The following XIAP variants were observed in gnomAD, a reference collection of about 807,000 sequenced individuals.
XIAP encodes E3 ubiquitin-protein ligase XIAP.
XIAP carries 3 observed loss-of-function variants against 33.1 expected under a neutral mutation model. That is an observed-to-expected ratio of 0.09 (90% CI 0.04 to 0.23). XIAP has a LOEUF of 0.23. XIAP is among the 10% of genes least tolerant of loss of function. The pLI, the probability that XIAP is intolerant of heterozygous loss-of-function variation, is 1.00. For missense variants in XIAP, 264 were observed against 363.0 expected (o/e 0.73, Z 2.22); for synonymous variants, 98 against 121.3 (o/e 0.81, Z 1.26).
chrX:123,880,227 A>G (rs1222107456), intron 1 of XIAP, among the ~76,000 whole-genome samples: 2 of 104,840 alleles, frequency 1.9e-5, no homozygotes, highest in East Asian at 5.9e-4. Context: ...AGCCTGGCCA[A>G]CATAGAGGAA....
At chrX:123,899,144 A>AAAAAAAATATAT (rs1186271285) in intron 5 of XIAP, among the ~76,000 whole-genome samples, 4 of 50,184 alleles carry the variant, frequency 8.0e-5, no homozygotes, top group African/African-American at 1.7e-4. Context: ...AAAAAAAAAA[A>AAAAAAAATATAT]ATATATATAT....
rs182283142 is a variant in XIAP at position 123,891,359 on chromosome X, T to G, written c.1056+43T>G. On this transcript the variant is annotated intron_variant, in intron 4 of 6. Coordinates refer to ENST00000371199, the MANE Select transcript of XIAP (RefSeq NM_001167.4). ...TATATTTTCAAATTCACATTTCAAATTATAATTTATATTTTCATTATGTAG... is the reference window on the plus strand; with the variant it reads ...TATATTTTCAAATTCACATTTCAAAGTATAATTTATATTTTCATTATGTAG... The G allele has an allele frequency of 7.1e-4, 457 of 646,376 alleles. 4 individuals are homozygous for G. The African/African-American group carries it at 8.6e-3, about 12-fold the overall frequency. 53.3% of individuals were successfully genotyped at this position (646,376 alleles called of 1,213,427 possible). A position where few individuals can be genotyped will look rare whatever the true frequency, so the allele number is the denominator to read the frequency against.
intron 1 of XIAP, among the ~76,000 whole-genome samples, chrX:123,863,562 T>C (rs947530569): frequency 1.8e-5 from 2 of 111,631 alleles, no homozygotes; most frequent in Admixed American, 1.9e-4. Flanking sequence ...CAGGCTGGAG[T>C]GCAATGGTGC....
chrX:123,895,081 A>G (rs2053448045), intron 5 of XIAP, among the ~76,000 whole-genome samples: 1 of 112,039 alleles, frequency 8.9e-6, no homozygotes, highest in Non-Finnish European at 1.9e-5. Flanking sequence ...TAATTGCAGA[A>G]CACTATCATT....
At chrX:123,871,349 T>A (rs1022784411) in intron 1 of XIAP, among the ~76,000 whole-genome samples, 17 of 112,047 alleles carry the variant, frequency 1.5e-4, no homozygotes, top group African/African-American at 5.5e-4. Flanking sequence ...AAGTCATCCA[T>A]GGCATTTCTG....
rs2053567377 is a variant in XIAP at position 123,907,953 on chromosome X, CGGGGAGGGGGGGATTG to C, written c.*782_*797del. 8.8e-6 allele frequency: 1 copy of C among 113,918 alleles called. No homozygotes were observed. The allele number at this position is 113,918 out of a possible 1,213,427, so 9.4% of individuals were successfully genotyped here. ...CAAACTGTTAAATGTGGTTTCTCTT[CGGGGAGGGGGGGATTG>C]GGGGAGGGGCCCCAGAGGGGTTTTA... On this transcript the variant is annotated 3_prime_UTR_variant, in exon 7 of 7. Transcript: ENST00000371199.
At chrX:123,902,288 G>T (rs1602559441) in intron 6 of XIAP, among the ~76,000 whole-genome samples, 1 of 110,811 alleles carries the variant, frequency 9.0e-6, no homozygotes, top group African/African-American at 3.3e-5. Context: ...TACAAACTAG[G>T]ATGGTGTGGG....
At chrX:123,897,883 C>T (rs776891735) in intron 5 of XIAP, among the ~76,000 whole-genome samples, 6 of 111,663 alleles carry the variant, frequency 5.4e-5, no homozygotes, top group Non-Finnish European at 9.4e-5. Flanking sequence ...TCAGAAGGGT[C>T]GATGAGGGAA....
rs957336438 is a variant in XIAP at position 123,913,000 on chromosome X, C to G, written c.*5819C>G. On this transcript the variant is annotated 3_prime_UTR_variant, in exon 7 of 7. Transcript: ENST00000371199. ...TTCGCGGTGTTGACCAGGCTGGTCT[C>G]GAACTCCTGATCTCAGGTGATCTGC... The G allele has an allele frequency of 1.4e-5, 4 of 279,786 alleles. No individual in the cohort carries two copies. Among genetic ancestry groups the G allele is most frequent in the African/African-American group, 8.5e-5 (3 of 35,348 alleles). The allele number at this position is 279,786 out of a possible 1,213,427, so 23.1% of individuals were successfully genotyped here.
chrX:123,875,284 A>G (rs765105449), intron 1 of XIAP, among the ~76,000 whole-genome samples: 1 of 108,692 alleles, frequency 9.2e-6, no homozygotes, highest in African/African-American at 3.3e-5. Context: ...GCCTCCTAGA[A>G]TACTGGGATT....
rs1197419209 is a variant in XIAP, at chrX:123,913,378, G to A, written c.*6197G>A. On this transcript the variant is annotated 3_prime_UTR_variant, in exon 7 of 7. Transcript: ENST00000371199. ...CCAGCTACTAGAGCGACTGAGGCAG[G>A]AGAATTGCTTGAACCTGGGAGGCGG... 3.0e-6 allele frequency: 1 copy of A among 327,991 alleles called. No individual in the cohort carries two copies. The highest frequency in any genetic ancestry group is 2.6e-5 in the South Asian group (1 of 38,169). 27.0% of individuals were successfully genotyped at this position (327,991 alleles called of 1,213,427 possible).
intron 6 of XIAP, among the ~76,000 whole-genome samples, chrX:123,906,323 T>C (rs1033890387): frequency 8.9e-6 from 1 of 112,301 alleles, no homozygotes; most frequent in Non-Finnish European, 1.9e-5. Flanking sequence ...GCCTACTGGT[T>C]ATTTTTATAT....
intron 2 of XIAP, among the ~76,000 whole-genome samples, chrX:123,888,004 T>TAAATAAATA (rs1569478084): frequency 8.6e-4 from 57 of 66,523 alleles, no homozygotes; most frequent in African/African-American, 2.9e-3. Flanking sequence ...TAATAATAAT[T>TAAATAAATA]AATAAATAAA....
rs2053078881 is a variant in XIAP, at chrX:123,861,561, C to T, written c.-33+1268C>T. 2.7e-5 allele frequency among the ~76,000 whole-genome samples: 3 copies of T among 111,428 alleles called. No homozygotes were observed. The South Asian group carries it at 1.1e-3, about 41-fold the overall frequency. Reference sequence around the variant, plus strand: ...ACAATAAAAATGTTAATAGTAATGACTTATGGAGGAGAAGAGAGATAGAAG... The same window carrying T: ...ACAATAAAAATGTTAATAGTAATGATTTATGGAGGAGAAGAGAGATAGAAG... On this transcript the variant is annotated intron_variant, in intron 1 of 6. Transcript: ENST00000371199.
intron 1 of XIAP, among the ~76,000 whole-genome samples, chrX:123,864,455 G>GGTT (rs2053110159): frequency 4.0e-5 from 2 of 49,587 alleles, no homozygotes; most frequent in South Asian, 1.4e-3. Flanking sequence ...CCTTTCTTCT[G>GGTT]TTTTTTTTTT....
rs1183485496 is a variant in XIAP at position 123,890,605 on chromosome X, A to G, written c.978-633A>G. On this transcript the variant is annotated intron_variant, in intron 3 of 6. Transcript: ENST00000371199. ...ATGCCACTGCACTCGGCGCCACTGCACTCCAGCCTGGGCGACAGAGTGAGA... is the reference window on the plus strand; with the variant it reads ...ATGCCACTGCACTCGGCGCCACTGCGCTCCAGCCTGGGCGACAGAGTGAGA... Among the ~76,000 whole-genome samples the G allele has an allele frequency of 3.0e-5, 3 of 99,457 alleles. No individual in the cohort carries two copies. The East Asian group carries it at 9.5e-4, about 31-fold the overall frequency. The allele number at this position is 99,457 out of a possible 115,157, so 86.4% of individuals were successfully genotyped here.
At chrX:123,894,910 C>T (rs1477158269) in intron 5 of XIAP, among the ~76,000 whole-genome samples, 1 of 109,976 alleles carries the variant, frequency 9.1e-6, no homozygotes, top group East Asian at 2.8e-4. Flanking sequence ...TGCTACTGCA[C>T]TCCAGCCTGG....
rs936971408 is a variant in XIAP, at chrX:123,910,292, A to G, written c.*3111A>G. The G allele has an allele frequency of 1.5e-5, 5 of 327,318 alleles. No homozygotes were observed. Among genetic ancestry groups the G allele is most frequent in the Non-Finnish European group, 2.9e-5 (5 of 169,666 alleles). The allele number at this position is 327,318 out of a possible 1,213,427, so 27.0% of individuals were successfully genotyped here. ...AGGGTAGAGTGGGTGTAGTGAGTGT[A>G]TATAATGTGATTTGGCCCTGTGTAT... On this transcript the variant is annotated 3_prime_UTR_variant, in exon 7 of 7. Coordinates refer to ENST00000371199, the MANE Select transcript of XIAP (RefSeq NM_001167.4).
At chrX:123,871,093 C>G (rs924663393) in intron 1 of XIAP, among the ~76,000 whole-genome samples, 10 of 111,015 alleles carry the variant, frequency 9.0e-5, no homozygotes, top group African/African-American at 3.3e-4. Context: ...CAGGCATATG[C>G]CACCATGCCC....
Sources: gnomAD v4.1 joint callset for allele counts (sites outside exome capture counted in the v4.1 genomes callset) on GRCh38, gnomAD v4.1.1 for gene constraint, MANE v1.5 for transcripts, NCBI Gene and HGNC (gene_info 2026-07-23, HGNC 2026-07-21) for gene names.